BMERB1: variants seen among roughly 807,000 people sequenced by gnomAD.
BMERB1 encodes bMERB domain-containing protein 1.
BMERB1 carries 12 observed loss-of-function variants against 23.6 expected under a neutral mutation model. The ratio of observed to expected loss-of-function variants is 0.51; its 90% confidence interval spans 0.33 to 0.82. BMERB1 has a LOEUF of 0.82. Ranked by LOEUF, BMERB1 falls within the 40% of genes least tolerant of loss-of-function variation. BMERB1 has a pLI of 0.03. For missense variants in BMERB1, 247 were observed against 255.4 expected (o/e 0.97, Z 0.22); for synonymous variants, 122 against 96.6 (o/e 1.26, Z -1.54).
chr16:15,503,237 T>G (rs1237294943), intron 1 of BMERB1, among the ~76,000 whole-genome samples: 1 of 152,148 alleles, frequency 6.6e-6, no homozygotes, highest in African/African-American at 2.4e-5. Context: ...GTGTGGGGCT[T>G]CTATGCAAAT....
intron 1 of BMERB1, among the ~76,000 whole-genome samples, chr16:15,439,527 T>TGATTAATGATTTAGTTAATGA (rs1476635972): frequency 1.3e-5 from 2 of 152,138 alleles, no homozygotes; most frequent in African/African-American, 4.8e-5. Flanking sequence ...TCTTAGTAAA[T>TGATTAATGATTTAGTTAATGA]TCTGGTTAAT....
At chr16:15,570,400 A>G (rs1292147280) in intron 3 of BMERB1, among the ~76,000 whole-genome samples, 1 of 152,112 alleles carries the variant, frequency 6.6e-6, no homozygotes, top group East Asian at 1.9e-4. Context: ...AACTATTGAC[A>G]TTTGGGGTTG....
In BMERB1 at chr16:15,582,228, G is replaced by A. The variant is rs962151897; in HGVS notation, c.419+897G>A. Among the ~76,000 whole-genome samples, 12 of 152,094 alleles carry A rather than the reference G, an allele frequency of 7.9e-5. No individual in the cohort carries two copies. The South Asian group carries it at 8.3e-4, about 10-fold the overall frequency. On this transcript the variant is annotated intron_variant, in intron 4 of 5. Coordinates refer to ENST00000300006, the MANE Select transcript of BMERB1 (RefSeq NM_033201.3). ...AGCCTGGGCAACATGGTGAAACCCC[G>A]TCTCTACTAAAACTACAGAAATTAG...
At chr16:15,448,382 C>G (rs2051009396) in intron 1 of BMERB1, among the ~76,000 whole-genome samples, 1 of 152,116 alleles carries the variant, frequency 6.6e-6, no homozygotes, top group Non-Finnish European at 1.5e-5. Context: ...GATCAGAAAT[C>G]TTGAAGGGAG....
intron 1 of BMERB1, among the ~76,000 whole-genome samples, chr16:15,463,712 G>A (rs1238618816): frequency 1.3e-5 from 2 of 151,962 alleles, no homozygotes; most frequent in African/African-American, 2.4e-5. Flanking sequence ...CATATTCAAG[G>A]AACCCTCCCC....
chr16:15,533,924 A>T (rs538939833), intron 2 of BMERB1, among the ~76,000 whole-genome samples: 3 of 152,154 alleles, frequency 2.0e-5, no homozygotes, highest in East Asian at 1.9e-4. Flanking sequence ...GCCTAGGGAA[A>T]TCCAAAATCC....
chr16:15,514,206 G>A (rs2051715599), intron 1 of BMERB1, among the ~76,000 whole-genome samples: 1 of 151,998 alleles, frequency 6.6e-6, no homozygotes, highest in African/African-American at 2.4e-5. Flanking sequence ...GGTTCGAGGC[G>A]GCAGTGAGCT....
intron 1 of BMERB1, among the ~76,000 whole-genome samples, chr16:15,442,638 A>T (rs553878253): frequency 2.6e-5 from 4 of 152,166 alleles, no homozygotes; most frequent in African/African-American, 9.7e-5. Context: ...TATCCATTCA[A>T]TGAGTTTTAG....
intron 2 of BMERB1, among the ~76,000 whole-genome samples, chr16:15,553,056 G>GA (rs1325251061): frequency 3.9e-5 from 6 of 152,112 alleles, no homozygotes; most frequent in Non-Finnish European, 7.4e-5. Context: ...TGCCCAGGCT[G>GA]GAGTTCAGTG....
At chr16:15,568,296 C>T (rs1030749737) in intron 3 of BMERB1, among the ~76,000 whole-genome samples, 6 of 152,290 alleles carry the variant, frequency 3.9e-5, no homozygotes, top group South Asian at 2.1e-4. Flanking sequence ...TTCTCCTCCT[C>T]TGAAAATTGG....
intron 2 of BMERB1, 23 bp from the exon 3 acceptor site, chr16:15,567,960 T>C: frequency 2.5e-6 from 4 of 1,606,296 alleles, no homozygotes; most frequent in Non-Finnish European, 3.4e-6. Flanking sequence ...TAACCTGCTG[T>C]TGATGGTGTC....
intron 2 of BMERB1, among the ~76,000 whole-genome samples, chr16:15,516,048 C>A (rs1331774246): frequency 2.0e-5 from 3 of 152,060 alleles, no homozygotes; most frequent in African/African-American, 7.2e-5. Flanking sequence ...CTGCTTGAGT[C>A]CTGGAGTTCA....
At chr16:15,526,493 G>A (rs1034405062) in intron 2 of BMERB1, among the ~76,000 whole-genome samples, 17 of 151,802 alleles carry the variant, frequency 1.1e-4, no homozygotes, top group African/African-American at 3.6e-4. Context: ...GCGAAACCCC[G>A]TTTCTACTAA....
chr16:15,434,622 G>A lies in BMERB1; in HGVS notation c.-32G>A. On this transcript the variant is annotated 5_prime_UTR_variant, in exon 1 of 6. Coordinates refer to ENST00000300006, the MANE Select transcript of BMERB1 (RefSeq NM_033201.3). ...GCCCGCAACGGGAATGGAGTAAAGG[G>A]AGACCCGTCGACCTGGCCACGGGGA... 6.3e-7 allele frequency: 1 copy of A among 1,589,312 alleles called. No homozygotes were observed. Among genetic ancestry groups the A allele is most frequent in the Middle Eastern group, 1.7e-4 (1 of 6,024 alleles).
intron 1 of BMERB1, among the ~76,000 whole-genome samples, chr16:15,508,828 CAAA>C (rs1181215065): frequency 5.4e-5 from 3 of 56,050 alleles, no homozygotes; most frequent in Admixed American, 2.1e-4. Context: ...CCTGCCCCAC[CAAA>C]AAAAAAAAAA....
chr16:15,482,074 A>G lies in BMERB1; in HGVS notation c.107-33231A>G, dbSNP rs555253947. On this transcript the variant is annotated intron_variant, in intron 1 of 5. Transcript: ENST00000300006. The stretch of plus-strand genomic sequence containing the variant: ...AATCATCAGGACCATGAACCTGACC[A>G]TCTGTGAAAGACAGAGATGTTTCCT... 7.9e-5 allele frequency among the ~76,000 whole-genome samples: 12 copies of G among 152,090 alleles called. No individual in the cohort carries two copies. In the East Asian group the frequency reaches 2.1e-3, roughly 27 times the overall value.
Position 15,502,236 on chromosome 16 carries a change from A to G in BMERB1, c.107-13069A>G. 33 of 1,513,182 alleles carry G rather than the reference A, an allele frequency of 2.2e-5. No homozygotes were observed. In the South Asian group the frequency reaches 4.0e-4, roughly 18 times the overall value. 93.7% of individuals were successfully genotyped at this position (1,513,182 alleles called of 1,614,324 possible). A position where few individuals can be genotyped will look rare whatever the true frequency, so the allele number is the denominator to read the frequency against. ...GGGAAACAGAAACTCGCAGAAGTTA[A>G]AAAAATGTGCTTGAGGTGCCACTGG... On this transcript the variant is annotated intron_variant, in intron 1 of 5. Coordinates refer to ENST00000300006, the MANE Select transcript of BMERB1 (RefSeq NM_033201.3).
chr16:15,441,748 G>A (rs2050940887), intron 1 of BMERB1, among the ~76,000 whole-genome samples: 1 of 151,968 alleles, frequency 6.6e-6, no homozygotes, highest in Admixed American at 6.6e-5. Flanking sequence ...TTGAACTCCT[G>A]GGCTCAAAAG....
Position 15,471,593 on chromosome 16 carries a change from T to G in BMERB1, c.106+36834T>G, listed in dbSNP as rs1404041061. Among the ~76,000 whole-genome samples, 3 of 152,310 alleles carry G rather than the reference T, an allele frequency of 2.0e-5. No individual in the cohort carries two copies. In the East Asian group the frequency reaches 5.8e-4, roughly 29 times the overall value. On this transcript the variant is annotated intron_variant, in intron 1 of 5. Transcript: ENST00000300006. Reference sequence around the variant, plus strand: ...TTTCATTTCTGATATTAGTGCTTTGTGTCCTCTCTCTCACTCTCTCTCTCT... The same window carrying G: ...TTTCATTTCTGATATTAGTGCTTTGGGTCCTCTCTCTCACTCTCTCTCTCT...
Sources: allele counts gnomAD v4.1 joint callset (sites outside exome capture counted in the v4.1 genomes callset), GRCh38; gene constraint gnomAD v4.1.1; transcripts MANE v1.5; gene names NCBI Gene and HGNC (gene_info 2026-07-23, HGNC 2026-07-21).